Variants in GABPB1 observed in about 807,000 individuals in gnomAD.
GABPB1 encodes the protein GA binding protein transcription factor subunit beta 1, also known as GA-binding protein subunit beta-1.
Under a neutral mutation model 45.9 loss-of-function variants are expected in GABPB1, and 15 were observed. The observed-to-expected ratio is 0.33, with a 90% CI of 0.22 to 0.50. The LOEUF (loss-of-function observed/expected upper bound fraction) is 0.50. GABPB1 is among the 20% of genes least tolerant of loss of function. The probability of loss-of-function intolerance (pLI) is 0.98; values close to 1 mark genes in which losing one functional copy is unlikely to be tolerated. For synonymous variants in GABPB1, 143 were observed against 154.4 expected (o/e 0.93, Z 0.55); for missense variants, 252 against 457.5 (o/e 0.55, Z 4.10).
rs975369253 is a variant in GABPB1 at position 50,354,970 on chromosome 15, C to G, written c.-1+15G>C. On this transcript the variant is annotated intron_variant, in intron 1 of 8. Coordinates refer to ENST00000380877, the MANE Select transcript of GABPB1 (RefSeq NM_016654.5). ...CATCCGGTGGTAACAGGGCCCTACA[C>G]AGACCCGCACTGACCTGGAAAAGCT... 8 of 170,640 alleles carry G rather than the reference C, an allele frequency of 4.7e-5. No individual in the cohort carries two copies. Among genetic ancestry groups the G allele is most frequent in the African/African-American group, 1.9e-4 (8 of 41,536 alleles). 10.6% of individuals were successfully genotyped at this position (170,640 alleles called of 1,614,324 possible).
chr15:50,308,170 T>G (rs1368773251), intron 2 of GABPB1, among the ~76,000 whole-genome samples: 1 of 152,248 alleles, frequency 6.6e-6, no homozygotes, highest in African/African-American at 2.4e-5. Flanking sequence ...TATTTCTGAC[T>G]GCTCACTTTC....
chr15:50,331,858 GTTTT>G (rs748598712), intron 1 of GABPB1, among the ~76,000 whole-genome samples: 2 of 143,538 alleles, frequency 1.4e-5, no homozygotes, highest in African/African-American at 5.2e-5. Flanking sequence ...GTCCCGTTCA[GTTTT>G]TTTTTTTGTT....
chr15:50,299,004 T>G (rs986079629), intron 6 of GABPB1, among the ~76,000 whole-genome samples: 6 of 146,496 alleles, frequency 4.1e-5, no homozygotes, highest in Non-Finnish European at 7.5e-5. Flanking sequence ...AAGAAAAAGG[T>G]AGCATTCCCC....
At chr15:50,287,193 T>C (rs1297947521) in intron 7 of GABPB1, among the ~76,000 whole-genome samples, 1 of 152,212 alleles carries the variant, frequency 6.6e-6, no homozygotes, top group Non-Finnish European at 1.5e-5. Context: ...TATATATTTT[T>C]AATTCAGGAA....
intron 1 of GABPB1, among the ~76,000 whole-genome samples, chr15:50,344,426 G>A (rs1486959211): frequency 6.6e-6 from 1 of 152,122 alleles, no homozygotes; most frequent in African/African-American, 2.4e-5. Flanking sequence ...GTTTAGCAAT[G>A]GGTTCAAAAT....
At chr15:50,285,836 T>G in intron 8 of GABPB1, 1 of 1,302,260 alleles carries the variant, frequency 7.7e-7, no homozygotes, top group Admixed American at 3.8e-5. Flanking sequence ...ATTCCAGTGT[T>G]ATCAAGATGA....
intron 1 of GABPB1, among the ~76,000 whole-genome samples, chr15:50,313,304 A>C (rs2047194770): frequency 6.6e-6 from 1 of 152,204 alleles, no homozygotes; most frequent in Admixed American, 6.5e-5. Context: ...GTTAACATAA[A>C]GTAAATAATT....
chr15:50,329,773 C>T (rs889574940), intron 1 of GABPB1, among the ~76,000 whole-genome samples: 7 of 152,196 alleles, frequency 4.6e-5, no homozygotes, highest in Non-Finnish European at 7.3e-5. Context: ...ATCCCTACTT[C>T]ATGTATTTCC....
intron 8 of GABPB1, among the ~76,000 whole-genome samples, chr15:50,279,589 C>T (rs1283142393): frequency 2.6e-5 from 4 of 152,236 alleles, no homozygotes; most frequent in Non-Finnish European, 5.9e-5. Context: ...CCTCCTCACT[C>T]TGCCCCATTC....
chr15:50,282,191 C>A, intron 8 of GABPB1: 1 of 423,262 alleles, frequency 2.4e-6, no homozygotes, highest in South Asian at 1.7e-5. Flanking sequence ...CACAGTGAGA[C>A]CCTGTCTCAA....
At chr15:50,331,794 T>C (rs1471943031) in intron 1 of GABPB1, among the ~76,000 whole-genome samples, 1 of 152,206 alleles carries the variant, frequency 6.6e-6, no homozygotes, top group African/African-American at 2.4e-5. Context: ...CAATTTACCT[T>C]TAATTGCTAT....
intron 1 of GABPB1, among the ~76,000 whole-genome samples, chr15:50,316,261 G>A (rs1295110199): frequency 6.6e-6 from 1 of 152,096 alleles, no homozygotes; most frequent in African/African-American, 2.4e-5. Context: ...GTGGTAACAG[G>A]AATTACTACC....
At position 50,289,523 on chromosome 15, in the gene GABPB1, A is replaced by C; in HGVS notation, c.843T>G (p.Ile281Met). ...GNLHSIPTSG[I>M]GQPIIVTMPD... is the part of the protein sequence containing the mutation. ...GCATGGTCACAATGATGGGCTGACC[A>C]ATTCCACTGGTTGGAATAGAGTGCA... The change falls in exon 7 of 9, where the codon ATT becomes ATG. Residue 281 changes from isoleucine to methionine, a missense_variant. Around this residue, in one of 4 missense-constraint regions of GABPB1, gnomAD observed 193 missense variants for 259.9 expected, o/e 0.74. Transcript: ENST00000380877. 6.2e-7 allele frequency: 1 copy of C among 1,613,528 alleles called. No homozygotes were observed. The highest frequency in any genetic ancestry group is 8.5e-7 in the Non-Finnish European group (1 of 1,179,694).
chr15:50,317,871 C>A (rs560819801), intron 1 of GABPB1, among the ~76,000 whole-genome samples: 1 of 150,044 alleles, frequency 6.7e-6, no homozygotes, highest in South Asian at 2.1e-4. Flanking sequence ...ATCGCGCCAC[C>A]GCACTCCAGC....
rs1199043746 is a variant in GABPB1 at position 50,276,225 on chromosome 15, C to T, written c.*2407G>A. On this transcript the variant is annotated 3_prime_UTR_variant, in exon 9 of 9. Coordinates refer to ENST00000380877, the MANE Select transcript of GABPB1 (RefSeq NM_016654.5). ...TGTGGATTTCTGAAAACTTTTATTTCATATACTTTTATTTTTGTCAGTTCT... is the reference window on the plus strand; with the variant it reads ...TGTGGATTTCTGAAAACTTTTATTTTATATACTTTTATTTTTGTCAGTTCT... 1 of 152,208 alleles carries T rather than the reference C, an allele frequency of 6.6e-6. No homozygotes were observed. Among genetic ancestry groups the T allele is most frequent in the Admixed American group, 6.5e-5 (1 of 15,288 alleles). 9.4% of individuals were successfully genotyped at this position (152,208 alleles called of 1,614,324 possible). A position where few individuals can be genotyped will look rare whatever the true frequency, so the allele number is the denominator to read the frequency against.
chr15:50,303,469 G>C (rs796997590), intron 3 of GABPB1, among the ~76,000 whole-genome samples: 6 of 152,266 alleles, frequency 3.9e-5, no homozygotes, highest in African/African-American at 9.6e-5. Flanking sequence ...GGATCACAAG[G>C]TCAGGAGTTC....
At chr15:50,322,285 G>A (rs530213429) in intron 1 of GABPB1, among the ~76,000 whole-genome samples, 3 of 152,154 alleles carry the variant, frequency 2.0e-5, no homozygotes, top group East Asian at 3.9e-4. Flanking sequence ...TGGGCACAGT[G>A]ACTCATACCT....
At chr15:50,304,637 G>T (rs1219282011) in intron 2 of GABPB1, among the ~76,000 whole-genome samples, 1 of 151,744 alleles carries the variant, frequency 6.6e-6, no homozygotes, top group Non-Finnish European at 1.5e-5. Context: ...CTTGAACCCA[G>T]GAGGCAGAGG....
At chr15:50,319,251 T>C (rs1346999934) in intron 1 of GABPB1, among the ~76,000 whole-genome samples, 1 of 151,952 alleles carries the variant, frequency 6.6e-6, no homozygotes, top group Non-Finnish European at 1.5e-5. Flanking sequence ...TTTTCAACTA[T>C]GTGCACATAT....
Sources: gnomAD v4.1 joint callset for allele counts (sites outside exome capture counted in the v4.1 genomes callset) on GRCh38, gnomAD v4.1.1 for gene constraint, gnomAD v4.1.1 regional missense constraint, MANE v1.5 for transcripts, NCBI Gene and HGNC (gene_info 2026-07-23, HGNC 2026-07-21) for gene names.